Variants in ANKS1B observed in about 807,000 individuals in gnomAD.
ANKS1B encodes the protein ankyrin repeat and sterile alpha motif domain-containing protein 1B.
A neutral mutation model predicts 148.3 loss-of-function variants in ANKS1B; 36 were observed. The observed-to-expected ratio is 0.24, with a 90% CI of 0.19 to 0.32. The LOEUF is 0.32. ANKS1B is among the 10% of genes least tolerant of loss of function. ANKS1B has a pLI of 1.00. For missense variants in ANKS1B, 1,157 were observed against 1,542.6 expected (o/e 0.75, Z 4.19); for synonymous variants, 542 against 560.8 (o/e 0.97, Z 0.47).
rs895192518 is a variant in ANKS1B, at chr12:99,321,848, C to T, written c.1757-74984G>A. Among the ~76,000 whole-genome samples, 8 of 152,218 alleles carry T rather than the reference C, an allele frequency of 5.3e-5. No individual in the cohort carries two copies. The South Asian group carries it at 1.0e-3, about 20-fold the overall frequency. On this transcript the variant is annotated intron_variant, in intron 12 of 26. Coordinates refer to ENST00000683438, the MANE Select transcript of ANKS1B (RefSeq NM_001352186.2). ...TCCAGAATGGTAATTATTAAAAAGT[C>T]AAGAAAGAATAGATGCTGGTGAGGC...
chr12:98,776,574 G>A (rs528064817), intron 24 of ANKS1B, among the ~76,000 whole-genome samples: 1 of 152,344 alleles, frequency 6.6e-6, no homozygotes, highest in African/African-American at 2.4e-5. Flanking sequence ...GGTAGGGGTA[G>A]GACAGGATTC....
rs190656422 is a variant in ANKS1B at position 99,638,466 on chromosome 12, G to A, written c.1272+16601C>T. ...GATTCTTGCTATGCTTTAGCAAAGA[G>A]ACTGGTAGCATTTTGCTCCTGTCCT... is the stretch of plus-strand genomic sequence containing the variant. On this transcript the variant is annotated intron_variant, in intron 9 of 26. Transcript: ENST00000683438. Among the ~76,000 whole-genome samples the A allele has an allele frequency of 7.9e-3, 1,207 of 152,276 alleles. 15 individuals carry two copies. Among genetic ancestry groups the A allele is most frequent in the African/African-American group, 0.027 (1,139 of 41,550 alleles).
chr12:99,198,664 C>A lies in ANKS1B; in HGVS notation c.2420-44269G>T, dbSNP rs368211279. Among the ~76,000 whole-genome samples the A allele has an allele frequency of 7.9e-5, 12 of 152,198 alleles. No individual in the cohort carries two copies. In the South Asian group the frequency reaches 2.1e-3, roughly 26 times the overall value. On this transcript the variant is annotated intron_variant, in intron 14 of 26. Coordinates refer to ENST00000683438, the MANE Select transcript of ANKS1B (RefSeq NM_001352186.2). The stretch of plus-strand genomic sequence containing the variant: ...AGGCTTTAGATTGAATTCTAAAGAT[C>A]AATGAACTTGGAAAATGTGGTCTCT...
chr12:99,928,942 G>A (rs1242356097), intron 1 of ANKS1B, among the ~76,000 whole-genome samples: 2 of 152,088 alleles, frequency 1.3e-5, no homozygotes, highest in Admixed American at 6.6e-5. Context: ...AAGGAACTAG[G>A]GAGTGATAAG....
At chr12:99,580,183 G>A (rs1338602528) in intron 9 of ANKS1B, among the ~76,000 whole-genome samples, 3 of 152,018 alleles carry the variant, frequency 2.0e-5, no homozygotes, top group Non-Finnish European at 4.4e-5. Flanking sequence ...AACAAACACT[G>A]GGGCCTACTT....
At chr12:99,049,224 C>T (rs956245260) in intron 17 of ANKS1B, 4 of 152,070 alleles carry the variant, frequency 2.6e-5, no homozygotes, top group African/African-American at 9.7e-5. Context: ...CCCATTCCTC[C>T]CCTGCAATTT....
intron 17 of ANKS1B, among the ~76,000 whole-genome samples, chr12:98,839,303 C>A (rs909072544): frequency 1.3e-5 from 2 of 152,130 alleles, no homozygotes; most frequent in Non-Finnish European, 2.9e-5. Flanking sequence ...CCAGGGCTCT[C>A]AATCCAGGCA....
rs186675901 is a variant in ANKS1B at position 99,465,847 on chromosome 12, G to T, written c.1439-22038C>A. ...AGACTCCCACACAATAATAATGGGA[G>T]ACTATAACACCCCACTGTCAACATT... On this transcript the variant is annotated intron_variant, in intron 10 of 26. Coordinates refer to ENST00000683438, the MANE Select transcript of ANKS1B (RefSeq NM_001352186.2). 4.1e-4 allele frequency among the ~76,000 whole-genome samples: 62 copies of T among 152,232 alleles called. 2 individuals are homozygous for T. The East Asian group carries it at 0.01, about 25-fold the overall frequency.
intron 17 of ANKS1B, among the ~76,000 whole-genome samples, chr12:98,859,432 A>G (rs1056448648): frequency 6.6e-6 from 1 of 152,238 alleles, no homozygotes; most frequent in African/African-American, 2.4e-5. Flanking sequence ...ACTGTAATTC[A>G]GTGCGGGGAG....
rs138763489 is a variant in ANKS1B at position 99,865,285 on chromosome 12, C to G, written c.135-39896G>C. 4.6e-3 allele frequency among the ~76,000 whole-genome samples: 707 copies of G among 152,228 alleles called. 5 individuals carry two copies. The highest frequency in any genetic ancestry group is 0.014 in the Middle Eastern group (4 of 294). ...TATTATGTAAACATGGAAAACTGAGCTAACTAGTGTCATGTTATTAATTGA... is the reference window on the plus strand; with the variant it reads ...TATTATGTAAACATGGAAAACTGAGGTAACTAGTGTCATGTTATTAATTGA... On this transcript the variant is annotated intron_variant, in intron 1 of 26. Coordinates refer to ENST00000683438, the MANE Select transcript of ANKS1B (RefSeq NM_001352186.2).
chr12:98,933,036 T>A (rs2099815114), intron 17 of ANKS1B, among the ~76,000 whole-genome samples: 3 of 152,232 alleles, frequency 2.0e-5, no homozygotes, highest in Admixed American at 2.0e-4. Context: ...TACATTATTG[T>A]TGACTGTAAG....
chr12:99,542,913 T>A (rs901685183), intron 9 of ANKS1B, among the ~76,000 whole-genome samples: 1 of 152,062 alleles, frequency 6.6e-6, no homozygotes, highest in Non-Finnish European at 1.5e-5. Flanking sequence ...TAAATCTTCA[T>A]GACCTTGGAT....
chr12:99,172,333 G>A (rs2077863426), intron 14 of ANKS1B, among the ~76,000 whole-genome samples: 1 of 152,118 alleles, frequency 6.6e-6, no homozygotes, highest in Non-Finnish European at 1.5e-5. Flanking sequence ...AATTGTTGTT[G>A]CACAAACATC....
chr12:98,785,969 T>C (rs371895401), intron 22 of ANKS1B, among the ~76,000 whole-genome samples: 2 of 152,210 alleles, frequency 1.3e-5, no homozygotes, highest in Non-Finnish European at 2.9e-5. Context: ...ATGCTCTTTG[T>C]GGCATTTTTC....
At chr12:98,807,746 G>A in intron 20 of ANKS1B, 98 bp downstream of exon 20, 1 of 909,474 alleles carries the variant, frequency 1.1e-6, no homozygotes, top group Non-Finnish European at 1.6e-6. Flanking sequence ...CAAATTTTCT[G>A]CATTGCCAGG....
chr12:99,206,748 G>C, intron 14 of ANKS1B, among the ~76,000 whole-genome samples: 1 of 152,174 alleles, frequency 6.6e-6, no homozygotes, highest in East Asian at 1.9e-4. Flanking sequence ...TCTGGAGTCA[G>C]TAATGTAGTT....
intron 15 of ANKS1B, among the ~76,000 whole-genome samples, chr12:99,133,041 T>TC (rs1196393781): frequency 1.3e-5 from 2 of 151,092 alleles, no homozygotes; most frequent in Non-Finnish European, 2.9e-5. Flanking sequence ...TTCTTTTTTT[T>TC]CTTTTTCTTT....
intron 17 of ANKS1B, among the ~76,000 whole-genome samples, chr12:98,933,633 T>C (rs2099815771): frequency 1.3e-5 from 2 of 152,116 alleles, no homozygotes; most frequent in South Asian, 4.1e-4. Context: ...TGGAGCGGTC[T>C]CAATTTCTCC....
intron 12 of ANKS1B, among the ~76,000 whole-genome samples, chr12:99,327,064 A>C (rs2086464635): frequency 7.5e-6 from 1 of 133,810 alleles, no homozygotes; most frequent in South Asian, 2.1e-4. Context: ...TATATAATAC[A>C]ATATATAATA....
Sources: allele counts gnomAD v4.1 joint callset (sites outside exome capture counted in the v4.1 genomes callset), GRCh38; gene constraint gnomAD v4.1.1; transcripts MANE v1.5; gene names NCBI Gene and HGNC (gene_info 2026-07-23, HGNC 2026-07-21).